The following CHP1 variants were observed in gnomAD, a reference collection of about 807,000 sequenced individuals.
CHP1 encodes the protein calcineurin like EF-hand protein 1.
Under a neutral mutation model 27.4 loss-of-function variants are expected in CHP1, and 11 were observed. The ratio of observed to expected loss-of-function variants is 0.40; its 90% CI spans 0.25 to 0.67. The LOEUF (loss-of-function observed/expected upper bound fraction) is 0.67. Ranked by LOEUF, CHP1 falls within the 30% of genes least tolerant of loss-of-function variation. The probability of loss-of-function intolerance (pLI) is 0.38; values close to 1 mark genes in which losing one functional copy is unlikely to be tolerated. For synonymous variants in CHP1, 89 were observed against 87.4 expected (o/e 1.02, Z -0.10); for missense variants, 169 against 251.3 (o/e 0.67, Z 2.22).
At chr15:41,266,626 C>T (rs2047462230) in intron 4 of CHP1, among the ~76,000 whole-genome samples, 1 of 152,152 alleles carries the variant, frequency 6.6e-6, no homozygotes, top group Admixed American at 6.5e-5. Flanking sequence ...AAGGTAGAAG[C>T]AATCCTAGTG....
Position 41,235,316 on chromosome 15 carries a change from A to C in CHP1, c.67+3867A>C, listed in dbSNP as rs544890125. On this transcript the variant is annotated intron_variant, in intron 1 of 6. Coordinates refer to ENST00000334660, the MANE Select transcript of CHP1 (RefSeq NM_007236.5). ...GCAGATCGCTTGAGCCCAGGAGTTC[A>C]AGACCAGCCTGGGCAACATAGGGAA... Among the ~76,000 whole-genome samples the C allele has an allele frequency of 1.1e-3, 172 of 152,268 alleles. 1 individual carries two copies. Among genetic ancestry groups the C allele is most frequent in the Admixed American group, 2.8e-3 (43 of 15,294 alleles).
At chr15:41,241,451 T>TC (rs996620207) in intron 1 of CHP1, among the ~76,000 whole-genome samples, 19 of 152,324 alleles carry the variant, frequency 1.2e-4, no homozygotes, top group Admixed American at 1.2e-3. Context: ...CGCTCTACAA[T>TC]CCCATTCACT....
intron 1 of CHP1, among the ~76,000 whole-genome samples, chr15:41,241,691 C>T (rs143832885): frequency 2.6e-5 from 4 of 152,336 alleles, no homozygotes; most frequent in African/African-American, 9.6e-5. Context: ...CAGAGCCCAG[C>T]TTCGAGGGTG....
At chr15:41,273,834 G>A (rs1215872292) in intron 5 of CHP1, among the ~76,000 whole-genome samples, 1 of 151,582 alleles carries the variant, frequency 6.6e-6, no homozygotes, top group Admixed American at 6.6e-5. Flanking sequence ...CCAGCTACTC[G>A]GGAGGCTGAA....
chr15:41,243,569 C>T, intron 1 of CHP1, 98 bp from the exon 2 acceptor site: 1 of 843,090 alleles, frequency 1.2e-6, no homozygotes, highest in East Asian at 2.5e-5. Context: ...TTCGACATCC[C>T]AGTCCTACTG....
intron 1 of CHP1, 105 bp from the exon 2 acceptor site, chr15:41,243,562 G>A (rs1444660188): frequency 5.3e-6 from 4 of 753,660 alleles, no homozygotes; most frequent in Non-Finnish European, 8.9e-6. Flanking sequence ...TAAGAGTTTC[G>A]ACATCCCAGT....
At chr15:41,248,030 C>T (rs2047345358) in intron 2 of CHP1, among the ~76,000 whole-genome samples, 1 of 151,888 alleles carries the variant, frequency 6.6e-6, no homozygotes, top group Non-Finnish European at 1.5e-5. Context: ...GTAAGATTTG[C>T]TCAATCTGTA....
chr15:41,243,861 ATTTCT>A, intron 2 of CHP1, 122 bp downstream of exon 2: 1 of 739,152 alleles, frequency 1.4e-6, no homozygotes, highest in Non-Finnish European at 2.3e-6. Context: ...AGCAAGGACC[ATTTCT>A]CTACTGGTCT....
chr15:41,254,778 G>A (rs2047390117), intron 2 of CHP1, among the ~76,000 whole-genome samples: 1 of 152,202 alleles, frequency 6.6e-6, no homozygotes, highest in Non-Finnish European at 1.5e-5. Context: ...GAGGAAAAGA[G>A]CGTGAAGTCT....
At chr15:41,274,975 G>A (rs573596302) in intron 5 of CHP1, among the ~76,000 whole-genome samples, 7 of 151,582 alleles carry the variant, frequency 4.6e-5, no homozygotes, top group South Asian at 2.1e-4. Context: ...ATTCTTAGTC[G>A]AGACGGGTTT....
In CHP1 at chr15:41,278,764, C is replaced by G; in HGVS notation, c.412-3C>G. ...TTGTAATTCCTGGCTCTTGGTCTTC[C>G]AGGTGCTACGCATGATGGTCGGAGT... On this transcript the variant is annotated splice_region_variant and splice_polypyrimidine_tract_variant and intron_variant, in intron 5 of 6. Transcript: ENST00000334660. 3.7e-6 allele frequency: 6 copies of G among 1,614,056 alleles called. No homozygotes were observed. The highest frequency in any genetic ancestry group is 5.1e-6 in the Non-Finnish European group (6 of 1,179,976).
chr15:41,273,296 C>T lies in CHP1; in HGVS notation c.411+2678C>T, dbSNP rs540698815. ...CCAATATATTTCACCCACACCAACA[C>T]TTTAAAGAAGAAAAACTGAGTGGTC... On this transcript the variant is annotated intron_variant, in intron 5 of 6. Coordinates refer to ENST00000334660, the MANE Select transcript of CHP1 (RefSeq NM_007236.5). Among the ~76,000 whole-genome samples, 4 of 152,276 alleles carry T rather than the reference C, an allele frequency of 2.6e-5. No individual in the cohort carries two copies. The South Asian group carries it at 8.3e-4, about 32-fold the overall frequency.
At chr15:41,249,597 C>T (rs978593169) in intron 2 of CHP1, among the ~76,000 whole-genome samples, 1 of 150,472 alleles carries the variant, frequency 6.6e-6, no homozygotes, top group African/African-American at 2.4e-5. Context: ...CTCAGCCAAC[C>T]GAGTAGCTGG....
At chr15:41,278,332 CAAA>C (rs61453137) in intron 5 of CHP1, among the ~76,000 whole-genome samples, 2 of 78,546 alleles carry the variant, frequency 2.5e-5, no homozygotes, top group Admixed American at 1.5e-4. Context: ...GACTCCGTCT[CAAA>C]AAAAAAAAAA....
At position 41,231,424 on chromosome 15, in the gene CHP1, C is replaced by T. The variant is rs907214074; in HGVS notation, c.42C>T (p.Leu14=). Reference sequence around the variant, plus strand: ...CCACGTTACTGCGGGACGAAGAGCTCGAGGAGATCAAGAAGGAGACCGGCT... The same window carrying T: ...CCACGTTACTGCGGGACGAAGAGCTTGAGGAGATCAAGAAGGAGACCGGCT... The part of the protein sequence containing the change: ...RASTLLRDEE[L]EEIKKETGFS... The change falls in exon 1 of 7, where the codon CTC becomes CTT. Residue 14 remains leucine (L), a synonymous_variant. Transcript: ENST00000334660. 4.4e-6 allele frequency: 7 copies of T among 1,604,602 alleles called. No individual in the cohort carries two copies. Among genetic ancestry groups the T allele is most frequent in the African/African-American group, 2.7e-5 (2 of 74,826 alleles).
intron 4 of CHP1, among the ~76,000 whole-genome samples, chr15:41,268,628 C>T (rs1382027727): frequency 4.2e-5 from 6 of 144,566 alleles, no homozygotes; most frequent in Non-Finnish European, 4.5e-5. Flanking sequence ...GGCGACAGAG[C>T]AAGACTCCAT....
intron 4 of CHP1, among the ~76,000 whole-genome samples, chr15:41,267,651 G>A (rs2047468063): frequency 1.3e-5 from 2 of 149,230 alleles, no homozygotes; most frequent in Non-Finnish European, 3.0e-5. Context: ...GACAGAGCAA[G>A]ACTCCGTCTC....
intron 1 of CHP1, among the ~76,000 whole-genome samples, chr15:41,242,239 A>G (rs569258339): frequency 6.6e-6 from 1 of 152,298 alleles, no homozygotes; most frequent in East Asian, 1.9e-4. Flanking sequence ...CCATCACAGA[A>G]AAGAGGTTGA....
intron 1 of CHP1, among the ~76,000 whole-genome samples, chr15:41,240,749 A>G (rs1331934204): frequency 6.8e-6 from 1 of 146,796 alleles, no homozygotes; most frequent in Non-Finnish European, 1.5e-5. Context: ...GCGAAACTCT[A>G]TCTCAAAAAA....
Sources: gnomAD v4.1 joint callset for allele counts (sites outside exome capture counted in the v4.1 genomes callset) on GRCh38, gnomAD v4.1.1 for gene constraint, MANE v1.5 for transcripts, NCBI Gene and HGNC (gene_info 2026-07-23, HGNC 2026-07-21) for gene names.